PLXNA4: variants seen among roughly 807,000 people sequenced by gnomAD.
PLXNA4 encodes plexin A4.
A neutral mutation model predicts 191.8 loss-of-function variants in PLXNA4; 44 were observed. That is an observed-to-expected ratio of 0.23 (90% confidence interval 0.18 to 0.29). The LOEUF is 0.29. PLXNA4 is among the 10% of genes least tolerant of loss of function. PLXNA4 has a pLI of 1.00. For missense variants in PLXNA4, 1,800 were observed against 2,488.8 expected (o/e 0.72, Z 5.89); for synonymous variants, 1,082 against 1,009.5 (o/e 1.07, Z -1.36).
chr7:132,494,827 GACGGT>G (rs1214617481), intron 2 of PLXNA4, among the ~76,000 whole-genome samples: 1 of 152,192 alleles, frequency 6.6e-6, no homozygotes, highest in Non-Finnish European at 1.5e-5. Context: ...TTTAAATGCA[GACGGT>G]TTCCTTCCTC....
intron 9 of PLXNA4, among the ~76,000 whole-genome samples, chr7:132,219,181 A>C (rs1798063427): frequency 6.6e-6 from 1 of 152,218 alleles, no homozygotes; most frequent in Non-Finnish European, 1.5e-5. Context: ...GATTTGCAGA[A>C]GAGTCACCAG....
intron 1 of PLXNA4, among the ~76,000 whole-genome samples, chr7:132,526,202 C>T (rs374655710): frequency 3.7e-4 from 57 of 152,232 alleles, no homozygotes; most frequent in African/African-American, 1.2e-3. Flanking sequence ...GCAACGGGTG[C>T]GAGTGGTATA....
rs566500857 is a variant in PLXNA4, at chr7:132,320,173, G to T, written c.1372-21951C>A. On this transcript the variant is annotated intron_variant, in intron 3 of 31. Transcript: ENST00000321063. ...TTCATTTGCCGGGGGTGCCATAACAGGTGACCACAAACTGGGTGTCATAAA... is the reference window on the plus strand; with the variant it reads ...TTCATTTGCCGGGGGTGCCATAACATGTGACCACAAACTGGGTGTCATAAA... Among the ~76,000 whole-genome samples, 31 of 152,312 alleles carry T rather than the reference G, an allele frequency of 2.0e-4. No homozygotes were observed. In the South Asian group the frequency reaches 6.2e-3, roughly 31 times the overall value.
chr7:132,219,618 G>A (rs1425341702), intron 9 of PLXNA4, among the ~76,000 whole-genome samples: 1 of 152,092 alleles, frequency 6.6e-6, no homozygotes, highest in African/African-American at 2.4e-5. Context: ...GGACATAGGT[G>A]TCTGGGGGCT....
At position 132,402,548 on chromosome 7, in the gene PLXNA4, A is replaced by G. The variant is rs1191999627; in HGVS notation, c.1371+86744T>C. Among the ~76,000 whole-genome samples the G allele has an allele frequency of 2.0e-5, 3 of 152,172 alleles. No individual in the cohort carries two copies. In the East Asian group the frequency reaches 5.8e-4, roughly 29 times the overall value. Reference sequence around the variant, plus strand: ...CAGTGTGCTGCTGCAGGCTGCCACTATGGGAGGGGCAGCTGGCTAATCATC... The same window carrying G: ...CAGTGTGCTGCTGCAGGCTGCCACTGTGGGAGGGGCAGCTGGCTAATCATC... On this transcript the variant is annotated intron_variant, in intron 3 of 31. Coordinates refer to ENST00000321063, the MANE Select transcript of PLXNA4 (RefSeq NM_020911.2).
At chr7:132,187,839 C>G (rs1443003725) in intron 14 of PLXNA4, among the ~76,000 whole-genome samples, 3 of 152,108 alleles carry the variant, frequency 2.0e-5, no homozygotes, top group Non-Finnish European at 2.9e-5. Flanking sequence ...CTGCCATGTA[C>G]TTATTTTTTA....
intron 3 of PLXNA4, among the ~76,000 whole-genome samples, chr7:132,463,224 T>C (rs756218051): frequency 2.6e-5 from 4 of 152,182 alleles, no homozygotes; most frequent in Non-Finnish European, 4.4e-5. Flanking sequence ...AAGCTGATTG[T>C]TCTTCCCAGG....
chr7:132,366,169 A>G (rs538748310), intron 3 of PLXNA4: 1 of 152,332 alleles, frequency 6.6e-6, no homozygotes, highest in South Asian at 2.1e-4. Context: ...TTCCAGGACC[A>G]AGAGGGTCTG....
At chr7:132,133,463 C>T (rs751344135) in intron 30 of PLXNA4, among the ~76,000 whole-genome samples, 1 of 152,122 alleles carries the variant, frequency 6.6e-6, no homozygotes, top group African/African-American at 2.4e-5. Context: ...GGAGAGGAAC[C>T]GAGAGCCAGA....
chr7:132,194,257 G>A, intron 13 of PLXNA4, 78 bp from the exon 14 acceptor site: 4 of 1,513,668 alleles, frequency 2.6e-6, no homozygotes, highest in Non-Finnish European at 3.6e-6. Flanking sequence ...ACCTACCCAG[G>A]TCCCTTTCTC....
intron 1 of PLXNA4, among the ~76,000 whole-genome samples, chr7:132,517,082 C>A (rs1439691898): frequency 2.6e-5 from 4 of 152,202 alleles, no homozygotes; most frequent in African/African-American, 9.6e-5. Flanking sequence ...ATTAGAAACC[C>A]AGAACTTCCT....
chr7:132,314,499 C>A (rs1355575176), intron 3 of PLXNA4, among the ~76,000 whole-genome samples: 1 of 152,084 alleles, frequency 6.6e-6, no homozygotes, highest in Non-Finnish European at 1.5e-5. Flanking sequence ...CTTCTTGGGG[C>A]CTTCCATGGT....
chr7:132,574,287 C>T (rs1177284137), intron 1 of PLXNA4, among the ~76,000 whole-genome samples: 2 of 152,200 alleles, frequency 1.3e-5, no homozygotes, highest in East Asian at 1.9e-4. Flanking sequence ...GATCCTGTAC[C>T]CTATCCCTTT....
At chr7:132,645,502 T>C (rs1177911908) in intron 2 of PLXNA4, among the ~76,000 whole-genome samples, 1 of 152,204 alleles carries the variant, frequency 6.6e-6, no homozygotes, top group East Asian at 1.9e-4. Context: ...TTAAACCTCT[T>C]TTCATTATAA....
intron 4 of PLXNA4, 116 bp downstream of exon 4, chr7:132,297,975 A>G: frequency 7.4e-7 from 1 of 1,356,142 alleles, no homozygotes; most frequent in Non-Finnish European, 1.0e-6. Context: ...AAAGATACAT[A>G]CTACGCCAAA....
intron 2 of PLXNA4, among the ~76,000 whole-genome samples, chr7:132,590,021 G>T (rs933236962): frequency 6.6e-6 from 1 of 152,170 alleles, no homozygotes; most frequent in Non-Finnish European, 1.5e-5. Flanking sequence ...ACCATGAAAG[G>T]GTCAATGTGG....
intron 3 of PLXNA4, among the ~76,000 whole-genome samples, chr7:132,386,584 C>T (rs1434761232): frequency 6.6e-6 from 1 of 152,190 alleles, no homozygotes; most frequent in Non-Finnish European, 1.5e-5. Context: ...GGGGTGGACA[C>T]CTCTGGGGCC....
intron 1 of PLXNA4, among the ~76,000 whole-genome samples, chr7:132,513,473 C>G (rs1303378109): frequency 6.6e-6 from 1 of 152,202 alleles, no homozygotes; most frequent in East Asian, 1.9e-4. Flanking sequence ...CATTGGAGAG[C>G]TGAGCTCTTC....
chr7:132,294,934 AC>A (rs1261052057), intron 4 of PLXNA4, among the ~76,000 whole-genome samples: 1 of 152,208 alleles, frequency 6.6e-6, no homozygotes, highest in Admixed American at 6.5e-5. Context: ...CCCTGCTGAC[AC>A]TGTGATCCTG....
Sources: gnomAD v4.1 joint callset for allele counts (sites outside exome capture counted in the v4.1 genomes callset) on GRCh38, gnomAD v4.1.1 for gene constraint, MANE v1.5 for transcripts, NCBI Gene and HGNC (gene_info 2026-07-23, HGNC 2026-07-21) for gene names.